The following DNAH14 variants were observed in gnomAD, a reference collection of about 807,000 sequenced individuals.
DNAH14 encodes the protein axonemal beta dynein heavy chain 14.
Under a neutral mutation model 520.9 loss-of-function variants are expected in DNAH14, and 478 were observed. That is an observed-to-expected ratio of 0.92 (90% CI 0.85 to 0.99). The LOEUF (loss-of-function observed/expected upper bound fraction) is 0.99. DNAH14 is among the 50% of genes least tolerant of loss of function. The pLI is 0.00. For missense variants in DNAH14, 4,831 were observed against 5,234.5 expected (o/e 0.92, Z 2.38); for synonymous variants, 1,581 against 1,757.2 (o/e 0.90, Z 2.51).
chr1:225,301,472 A>G (rs941861446), intron 56 of DNAH14, among the ~76,000 whole-genome samples: 2 of 152,192 alleles, frequency 1.3e-5, no homozygotes, highest in African/African-American at 4.8e-5. Flanking sequence ...AAAAAAAGAA[A>G]TTGACTGGAT....
chr1:224,975,459 G>T (rs1218545805), intron 8 of DNAH14, among the ~76,000 whole-genome samples: 1 of 152,072 alleles, frequency 6.6e-6, no homozygotes, highest in Non-Finnish European at 1.5e-5. Context: ...TCTTGGGAGT[G>T]TGTATGTGTC....
intron 1 of DNAH14, among the ~76,000 whole-genome samples, chr1:224,942,191 T>G (rs1397622999): frequency 1.3e-5 from 2 of 152,146 alleles, no homozygotes; most frequent in Non-Finnish European, 2.9e-5. Context: ...CATTGAGCAG[T>G]GGTTTGTAGT....
At chr1:225,254,982 A>G (rs1364139295) in intron 44 of DNAH14, among the ~76,000 whole-genome samples, 1 of 152,208 alleles carries the variant, frequency 6.6e-6, no homozygotes, top group African/African-American at 2.4e-5. Flanking sequence ...TTGTTTGCAC[A>G]GGGAACTAAC....
chr1:225,242,731 CATT>C (rs1264823711), intron 43 of DNAH14, among the ~76,000 whole-genome samples: 3 of 152,172 alleles, frequency 2.0e-5, no homozygotes, highest in African/African-American at 4.8e-5. Context: ...CATTTATCAT[CATT>C]ATCAAAGATT....
chr1:225,168,147 A>G, intron 36 of DNAH14, 119 bp downstream of exon 36: 1 of 642,080 alleles, frequency 1.6e-6, no homozygotes, highest in African/African-American at 1.9e-5. Flanking sequence ...TTTTAATTAA[A>G]GTCATTTATT....
intron 1 of DNAH14, among the ~76,000 whole-genome samples, chr1:224,937,194 G>A (rs1196726175): frequency 6.6e-6 from 1 of 151,956 alleles, no homozygotes; most frequent in African/African-American, 2.4e-5. Flanking sequence ...CATACTTCTG[G>A]AAGTCTTGGC....
intron 23 of DNAH14, among the ~76,000 whole-genome samples, chr1:225,105,368 T>A (rs964563654): frequency 1.3e-5 from 2 of 152,152 alleles, no homozygotes; most frequent in African/African-American, 4.8e-5. Context: ...TTCTGTTGAT[T>A]TGGGGTGGAG....
chr1:225,168,699 G>C (rs1239916601), intron 36 of DNAH14, among the ~76,000 whole-genome samples: 1 of 152,222 alleles, frequency 6.6e-6, no homozygotes, highest in East Asian at 1.9e-4. Context: ...AGGCCTGCCT[G>C]CCTCTGTAGA....
At chr1:224,996,459 T>C (rs1458701479) in intron 8 of DNAH14, among the ~76,000 whole-genome samples, 1 of 152,154 alleles carries the variant, frequency 6.6e-6, no homozygotes, top group East Asian at 1.9e-4. Flanking sequence ...CTGTGCTTGG[T>C]CATAGATTTT....
Position 225,289,905 on chromosome 1 carries a change from G to GA in DNAH14, c.8299dup (p.Thr2767AsnfsTer12), listed in dbSNP as rs777044353. On this transcript the variant is annotated frameshift_variant, in exon 55 of 86. Transcript: ENST00000682510. LOFTEE classifies it high-confidence loss of function. ...CAAAGATTGGAATAGATGGATGTGG[G>GA]AAAAAAACATGTGCAACCTTGGCCT... The GA allele has an allele frequency of 7.0e-6, 10 of 1,428,468 alleles. No individual in the cohort carries two copies. Among genetic ancestry groups the GA allele is most frequent in the Admixed American group, 2.6e-5 (1 of 37,882 alleles). The allele number at this position is 1,428,468 out of a possible 1,614,324, so 88.5% of individuals were successfully genotyped here. A position where few individuals can be genotyped will look rare whatever the true frequency, so the allele number is the denominator to read the frequency against.
intron 36 of DNAH14, among the ~76,000 whole-genome samples, chr1:225,168,229 C>T (rs1050499004): frequency 6.6e-6 from 1 of 152,184 alleles, no homozygotes; most frequent in Non-Finnish European, 1.5e-5. Flanking sequence ...CTACAGCTCC[C>T]AGCGTGAGCG....
At chr1:224,953,832 G>A (rs1293640346) in intron 2 of DNAH14, among the ~76,000 whole-genome samples, 1 of 151,992 alleles carries the variant, frequency 6.6e-6, no homozygotes, top group African/African-American at 2.4e-5. Flanking sequence ...CTTGTAAAAG[G>A]TAAAACTTTA....
At chr1:225,192,942 TTAAC>T (rs2085635820) in intron 38 of DNAH14, 31 bp downstream of exon 38, 2 of 1,465,408 alleles carry the variant, frequency 1.4e-6, no homozygotes, top group Admixed American at 4.1e-5. Flanking sequence ...ATGTTTTTAT[TTAAC>T]TAATGTGGAT....
intron 35 of DNAH14, among the ~76,000 whole-genome samples, chr1:225,164,471 C>A (rs2149175942): frequency 6.6e-6 from 1 of 152,128 alleles, no homozygotes; most frequent in Non-Finnish European, 1.5e-5. Flanking sequence ...ATTATCTGTC[C>A]TGTATTTACT....
intron 17 of DNAH14, among the ~76,000 whole-genome samples, chr1:225,059,736 T>G (rs1453632067): frequency 2.6e-5 from 4 of 152,122 alleles, no homozygotes; most frequent in Non-Finnish European, 5.9e-5. Context: ...TGACAAAATC[T>G]CTCAGCATTT....
intron 8 of DNAH14, among the ~76,000 whole-genome samples, chr1:225,002,104 T>C (rs1368485121): frequency 6.6e-6 from 1 of 152,068 alleles, no homozygotes; most frequent in African/African-American, 2.4e-5. Context: ...AATCAGCCAC[T>C]CCAAAGGGAT....
intron 31 of DNAH14, among the ~76,000 whole-genome samples, chr1:225,147,770 G>A (rs2080090975): frequency 2.6e-5 from 4 of 152,028 alleles, no homozygotes; most frequent in Admixed American, 2.6e-4. Context: ...AAATTTTTCT[G>A]ATTGTCTCCC....
intron 83 of DNAH14, among the ~76,000 whole-genome samples, chr1:225,391,842 C>T (rs1212720371): frequency 1.3e-5 from 2 of 152,126 alleles, no homozygotes; most frequent in Admixed American, 1.3e-4. Flanking sequence ...AGCACCTCAG[C>T]AACCCTAGAG....
chr1:225,244,343 G>A (rs1477000466), intron 43 of DNAH14, among the ~76,000 whole-genome samples: 2 of 152,070 alleles, frequency 1.3e-5, no homozygotes, highest in African/African-American at 4.8e-5. Context: ...CCAGGTTTTG[G>A]CATCAGGATG....
Sources: allele counts gnomAD v4.1 joint callset (sites outside exome capture counted in the v4.1 genomes callset), GRCh38; gene constraint gnomAD v4.1.1; transcripts MANE v1.5; gene names NCBI Gene and HGNC (gene_info 2026-07-23, HGNC 2026-07-21).